Variants in MROH1 observed in about 807,000 individuals in gnomAD.
The protein encoded by MROH1 is maestro heat like repeat family member 1.
Under a neutral mutation model 116.5 loss-of-function variants are expected in MROH1, and 117 were observed. The ratio of observed to expected loss-of-function variants is 1.00; its 90% CI spans 0.86 to 1.17. The LOEUF is 1.17. Among genes scored for constraint, MROH1 ranks in the 50% most tolerant of loss-of-function variants. The probability of loss-of-function intolerance (pLI) is 0.00; values close to 1 mark genes in which losing one functional copy is unlikely to be tolerated. For missense variants in MROH1, 1,873 were observed against 1,338.5 expected (o/e 1.40, Z -6.23); for synonymous variants, 921 against 583.9 (o/e 1.58, Z -8.32).
At chr8:144,176,173 C>A (rs1305881148) in intron 4 of MROH1, among the ~76,000 whole-genome samples, 1 of 151,950 alleles carries the variant, frequency 6.6e-6, no homozygotes, top group Non-Finnish European at 1.5e-5. Context: ...GACCAGCCTG[C>A]CTGGCCAACG....
At chr8:144,183,305 T>C (rs1173898084) in intron 7 of MROH1, among the ~76,000 whole-genome samples, 2 of 149,000 alleles carry the variant, frequency 1.3e-5, no homozygotes, top group East Asian at 4.0e-4. Flanking sequence ...TGCTTGACCC[T>C]GGGAAGTCGA....
rs1166602905 is a variant in MROH1 at position 144,195,522 on chromosome 8, A to G, written c.948+3121A>G. 7.4e-5 allele frequency among the ~76,000 whole-genome samples: 11 copies of G among 148,152 alleles called. No individual in the cohort carries two copies. In the East Asian group the frequency reaches 1.4e-3, roughly 19 times the overall value. ...GTCTCAAAAAAAAAAAAAAAAAAAA[A>G]AAAGAAACAGAGTCTCACTCTGTTG... is the stretch of plus-strand genomic sequence containing the variant. On this transcript the variant is annotated intron_variant, in intron 10 of 43. Transcript: ENST00000326134.
At chr8:144,234,799 T>C (rs1196305339) in intron 14 of MROH1, among the ~76,000 whole-genome samples, 1 of 151,242 alleles carries the variant, frequency 6.6e-6, no homozygotes, top group Non-Finnish European at 1.5e-5. Flanking sequence ...ACCACAGGTG[T>C]GAGCCACTGC....
chr8:144,168,179 C>G, intron 3 of MROH1, 116 bp from the exon 4 acceptor site: 1 of 1,247,664 alleles, frequency 8.0e-7, no homozygotes, highest in South Asian at 1.6e-5. Flanking sequence ...CCCTCTCCTG[C>G]TCTGTGTCTG....
chr8:144,211,733 A>G (rs1834139652), intron 12 of MROH1, among the ~76,000 whole-genome samples: 1 of 147,380 alleles, frequency 6.8e-6, no homozygotes, highest in Non-Finnish European at 1.5e-5. Context: ...TCTCAAAAAA[A>G]AAAAAAAGAA....
rs1482710783 is a variant in MROH1 at position 144,259,355 on chromosome 8, G to A, written c.4044+1G>A. 1.5e-5 allele frequency: 11 copies of A among 714,958 alleles called. No individual in the cohort carries two copies. The highest frequency in any genetic ancestry group is 2.6e-5 in the Non-Finnish European group (10 of 384,882). 44.3% of individuals were successfully genotyped at this position (714,958 alleles called of 1,614,324 possible). On this transcript the variant is annotated splice_donor_variant, in intron 37 of 43. Transcript: ENST00000326134. LOFTEE classifies it high-confidence loss of function. ...GACCACCACCGCCTTCCTGGCCGAG[G>A]TAGGCCCTTCCAGGGACGGATGCTG... is the stretch of plus-strand genomic sequence containing the variant.
chr8:144,170,073 T>A (rs1449453812), intron 4 of MROH1, among the ~76,000 whole-genome samples: 1 of 152,202 alleles, frequency 6.6e-6, no homozygotes, highest in Non-Finnish European at 1.5e-5. Flanking sequence ...CCTCAAGTGA[T>A]CTGCCAGCCT....
rs1450835712 is a variant in MROH1, at chr8:144,237,774, C to T, written c.1339-982C>T. ...TTCCTTGTTCTTGGCTCCTCATTTC[C>T]CCGTTGTGGTTCCTTGTTTCCCTGT... On this transcript the variant is annotated intron_variant, in intron 14 of 43. Transcript: ENST00000326134. 3.9e-5 allele frequency among the ~76,000 whole-genome samples: 6 copies of T among 152,210 alleles called. 1 individual carries two copies. The South Asian group carries it at 1.0e-3, about 26-fold the overall frequency.
intron 7 of MROH1, among the ~76,000 whole-genome samples, chr8:144,184,638 AAGAG>A (rs1240590392): frequency 6.6e-6 from 1 of 152,210 alleles, no homozygotes; most frequent in Non-Finnish European, 1.5e-5. Context: ...GCAGACACTG[AAGAG>A]AGTGCACCAG....
In MROH1 at chr8:144,163,905, G is replaced by T. The variant is rs1158356589; in HGVS notation, c.22+57G>T. The T allele has an allele frequency of 6.3e-7, 1 of 1,596,614 alleles. No homozygotes were observed. Among genetic ancestry groups the T allele is most frequent in the Non-Finnish European group, 8.6e-7 (1 of 1,165,354 alleles). ...GTGAGGCCTCTCTTGCCTCTGGGTG[G>T]TCAGGGCAGGCCAAGGCTCTTACCA... is the stretch of plus-strand genomic sequence containing the variant. On this transcript the variant is annotated intron_variant, in intron 3 of 43. Transcript: ENST00000326134. This position sits in a 1 kb window ranked among gnomAD's most constrained non-coding sequence, Gnocchi z 4.4.
chr8:144,162,284 A>G (rs1175830771), intron 2 of MROH1, among the ~76,000 whole-genome samples: 1 of 149,890 alleles, frequency 6.7e-6, no homozygotes, highest in African/African-American at 2.5e-5. Context: ...ACTGGATTTT[A>G]CCATGTTAGC....
chr8:144,173,724 T>C (rs567014136), intron 4 of MROH1, among the ~76,000 whole-genome samples: 3 of 152,074 alleles, frequency 2.0e-5, no homozygotes, highest in Non-Finnish European at 4.4e-5. Flanking sequence ...CGCCCAGCCA[T>C]AGGATTCTTC....
intron 4 of MROH1, among the ~76,000 whole-genome samples, chr8:144,169,314 G>A (rs1282376356): frequency 6.6e-6 from 1 of 152,138 alleles, no homozygotes; most frequent in African/African-American, 2.4e-5. Context: ...TGGGGAAGAT[G>A]ACCCAGTTCC....
chr8:144,163,511 C>A lies in MROH1; in HGVS notation c.-56-260C>A, dbSNP rs1338754708. ...GATGGTGACGAGGTGACACTGTGGG[C>A]CAGCTGTGGACAAGCCTGTGCAGGC... On this transcript the variant is annotated intron_variant, in intron 2 of 43. Transcript: ENST00000326134. The surrounding 1 kb of genome is among the most constrained non-coding windows in gnomAD (Gnocchi z 4.4). 1.3e-5 allele frequency among the ~76,000 whole-genome samples: 2 copies of A among 152,048 alleles called. No individual in the cohort carries two copies. The highest frequency in any genetic ancestry group is 4.8e-5 in the African/African-American group (2 of 41,384).
chr8:144,209,893 G>A (rs1215358854), intron 12 of MROH1, among the ~76,000 whole-genome samples: 5 of 135,708 alleles, frequency 3.7e-5, no homozygotes, highest in African/African-American at 1.3e-4. Flanking sequence ...GCTACAGAGT[G>A]AGACCCTGTC....
intron 32 of MROH1, 61 bp downstream of exon 32, chr8:144,249,090 C>T (rs977991023): frequency 6.4e-5 from 45 of 706,050 alleles, no homozygotes; most frequent in Middle Eastern, 7.2e-4. Flanking sequence ...CGCGGTGGGA[C>T]GGGCAGGGCA....
chr8:144,223,512 C>T (rs1386264326), intron 14 of MROH1, among the ~76,000 whole-genome samples: 2 of 152,134 alleles, frequency 1.3e-5, no homozygotes, highest in Non-Finnish European at 2.9e-5. Context: ...AGACTACAGG[C>T]ACATGCGTGC....
intron 31 of MROH1, among the ~76,000 whole-genome samples, chr8:144,247,907 G>A (rs1842175173): frequency 6.6e-6 from 1 of 152,266 alleles, no homozygotes; most frequent in African/African-American, 2.4e-5. Flanking sequence ...AGAGGAAGGT[G>A]CTATTTGTCT....
chr8:144,258,816 C>G lies in MROH1; in HGVS notation c.3831C>G (p.Ser1277Arg). The stretch of plus-strand genomic sequence containing the variant: ...CCCTGCGGTCCATGCTACTCCGCAG[C>G]GGCAGCGAGGATGTGGTACAGCGCA... ...VDTLRSMLLR[S>R]GSEDVVQRMD... Residue 1277 changes from serine (S) to arginine (R), a missense_variant, in exon 36 of 44, where the codon AGC (serine) becomes AGG (arginine). Physicochemically the swap from Ser to Arg is moderately radical, Grantham distance 110 (BLOSUM62 -1). Transcript: ENST00000326134. 2.6e-6 allele frequency: 2 copies of G among 769,260 alleles called. No homozygotes were observed. The highest frequency in any genetic ancestry group is 4.8e-6 in the Non-Finnish European group (2 of 414,366). 47.7% of individuals were successfully genotyped at this position (769,260 alleles called of 1,614,324 possible).
Sources: allele counts gnomAD v4.1 joint callset (sites outside exome capture counted in the v4.1 genomes callset), GRCh38; gene constraint gnomAD v4.1.1; non-coding constraint Gnocchi (gnomAD v3.1); transcripts MANE v1.5; gene names NCBI Gene and HGNC (gene_info 2026-07-23, HGNC 2026-07-21).